The following NKAIN2 variants were observed in gnomAD, a reference collection of about 807,000 sequenced individuals.
NKAIN2 encodes the protein sodium/potassium-transporting ATPase subunit beta-1-interacting protein 2.
A neutral mutation model predicts 32.6 loss-of-function variants in NKAIN2; 14 were observed. The observed-to-expected ratio is 0.43, with a 90% CI of 0.28 to 0.67. The LOEUF is 0.67. NKAIN2 is among the 30% of genes least tolerant of loss of function. The probability of loss-of-function intolerance (pLI) is 0.17; values close to 1 mark genes in which losing one functional copy is unlikely to be tolerated. For synonymous variants in NKAIN2, 80 were observed against 87.2 expected, an observed-to-expected ratio of 0.92 and a Z score of 0.46; for missense variants, 198 against 258.3, an observed-to-expected ratio of 0.77 and a Z score of 1.60.
intron 1 of NKAIN2, among the ~76,000 whole-genome samples, chr6:124,068,548 T>C (rs111988274): frequency 0.028 from 4,287 of 152,008 alleles, 80 homozygotes; most frequent in Admixed American, 0.046. Context: ...GGTTCATTTG[T>C]ACATTTCATT....
Position 124,411,312 on chromosome 6 carries a change from G to T in NKAIN2, c.273+55965G>T, listed in dbSNP as rs565891983. 7.8e-3 allele frequency among the ~76,000 whole-genome samples: 945 copies of T among 120,412 alleles called. 9 individuals carry two copies. The highest frequency in any genetic ancestry group is 0.052 in the East Asian group (215 of 4,120). The allele number at this position is 120,412 out of a possible 152,430, so 79.0% of individuals were successfully genotyped here. A position where few individuals can be genotyped will look rare whatever the true frequency, so the allele number is the denominator to read the frequency against. ...TACAATTTGGCATGTTTTTGCAGTG[G>T]CTGGTACCGGTTGTTCCTTTCCATG... On this transcript the variant is annotated intron_variant, in intron 3 of 6. Coordinates refer to ENST00000368417, the MANE Select transcript of NKAIN2 (RefSeq NM_001040214.3).
intron 1 of NKAIN2, among the ~76,000 whole-genome samples, chr6:124,050,178 T>C (rs953519667): frequency 2.6e-5 from 4 of 151,968 alleles, no homozygotes; most frequent in African/African-American, 9.7e-5. Context: ...GGGAACTGAA[T>C]AGTGAAATGT....
intron 1 of NKAIN2, among the ~76,000 whole-genome samples, chr6:123,906,391 G>C (rs1355156009): frequency 6.6e-6 from 1 of 151,454 alleles, no homozygotes; most frequent in African/African-American, 2.4e-5. Context: ...CCTGGGCTCA[G>C]ATAATTCTCC....
chr6:123,981,036 T>A (rs1305140023), intron 1 of NKAIN2, among the ~76,000 whole-genome samples: 1 of 151,970 alleles, frequency 6.6e-6, no homozygotes, highest in Admixed American at 6.6e-5. Context: ...TGCCCGGCTA[T>A]TTTTTGTATT....
intron 1 of NKAIN2, among the ~76,000 whole-genome samples, chr6:123,918,838 C>T (rs1452302195): frequency 6.6e-6 from 1 of 152,104 alleles, no homozygotes; most frequent in Non-Finnish European, 1.5e-5. Flanking sequence ...ATCAAGAATG[C>T]TTCCTTGAAT....
At chr6:124,262,102 G>A (rs928143732) in intron 1 of NKAIN2, among the ~76,000 whole-genome samples, 2 of 152,094 alleles carry the variant, frequency 1.3e-5, no homozygotes, top group Non-Finnish European at 2.9e-5. Flanking sequence ...CCTGACAGAC[G>A]TTAGTTGTTC....
At chr6:124,822,635 T>C (rs369310677) in intron 6 of NKAIN2, among the ~76,000 whole-genome samples, 146 of 152,332 alleles carry the variant, frequency 9.6e-4, no homozygotes, top group African/African-American at 3.5e-3. Flanking sequence ...TTTCAGATGA[T>C]GTATAACTAA....
At chr6:124,143,548 T>G (rs534513371) in intron 1 of NKAIN2, among the ~76,000 whole-genome samples, 1 of 151,726 alleles carries the variant, frequency 6.6e-6, no homozygotes, top group Non-Finnish European at 1.5e-5. Context: ...AAAAATTTCT[T>G]ATCCTGATAA....
rs536600449 is a variant in NKAIN2, at chr6:124,790,060, GCTGCT to G, written c.475-1278_475-1274del. ...ACTCTGCCTCCCCAGTGTGGGCACT[GCTGCT>G]TCCTGTATTGTCCAGGAATGACCAC... is the stretch of plus-strand genomic sequence containing the variant. On this transcript the variant is annotated intron_variant, in intron 4 of 6. Coordinates refer to ENST00000368417, the MANE Select transcript of NKAIN2 (RefSeq NM_001040214.3). Among the ~76,000 whole-genome samples the G allele has an allele frequency of 7.6e-4, 116 of 152,092 alleles. 1 individual carries two copies. Among genetic ancestry groups the G allele is most frequent in the African/African-American group, 2.5e-3 (104 of 41,506 alleles).
At chr6:124,178,639 T>C (rs1336018982) in intron 1 of NKAIN2, among the ~76,000 whole-genome samples, 1 of 152,192 alleles carries the variant, frequency 6.6e-6, no homozygotes, top group East Asian at 1.9e-4. Flanking sequence ...CTAATTAAGA[T>C]ATGCAGATAA....
intron 1 of NKAIN2, among the ~76,000 whole-genome samples, chr6:123,932,434 T>TTC (rs1481221049): frequency 1.1e-5 from 1 of 91,790 alleles, no homozygotes. Flanking sequence ...TTTTTTTTTT[T>TTC]GAGAAAGAGT....
chr6:124,101,173 T>C (rs1334188022), intron 1 of NKAIN2, among the ~76,000 whole-genome samples: 1 of 152,180 alleles, frequency 6.6e-6, no homozygotes, highest in Non-Finnish European at 1.5e-5. Context: ...CAGTTTAAAG[T>C]TGGCATTTTA....
intron 1 of NKAIN2, among the ~76,000 whole-genome samples, chr6:123,836,568 C>A (rs764712804): frequency 6.6e-6 from 1 of 151,856 alleles, no homozygotes. Flanking sequence ...AGATGAGGAA[C>A]CGTCACAATT....
At chr6:124,776,235 T>G (rs1451537638) in intron 4 of NKAIN2, among the ~76,000 whole-genome samples, 2 of 152,210 alleles carry the variant, frequency 1.3e-5, no homozygotes, top group Non-Finnish European at 2.9e-5. Context: ...ACTATGGACT[T>G]TATATTTCTA....
At chr6:124,005,750 G>T (rs559406019) in intron 1 of NKAIN2, among the ~76,000 whole-genome samples, 1 of 152,170 alleles carries the variant, frequency 6.6e-6, no homozygotes, top group Non-Finnish European at 1.5e-5. Flanking sequence ...AGTTTTGACA[G>T]TCTGGTATGG....
chr6:124,107,817 G>A (rs116821612), intron 1 of NKAIN2, among the ~76,000 whole-genome samples: 47 of 152,092 alleles, frequency 3.1e-4, no homozygotes, highest in Non-Finnish European at 4.9e-4. Context: ...TTCACCCTGC[G>A]TAAGGTGTTC....
chr6:124,463,873 A>C (rs528713488), intron 3 of NKAIN2, among the ~76,000 whole-genome samples: 1 of 152,240 alleles, frequency 6.6e-6, no homozygotes, highest in African/African-American at 2.4e-5. Context: ...GATTGGTTTC[A>C]ATCCAAAATA....
At chr6:124,318,570 T>A (rs918717672) in intron 2 of NKAIN2, among the ~76,000 whole-genome samples, 1 of 151,990 alleles carries the variant, frequency 6.6e-6, no homozygotes, top group Non-Finnish European at 1.5e-5. Flanking sequence ...TTAAAAAAAA[T>A]TTTCCCTGTA....
intron 1 of NKAIN2, among the ~76,000 whole-genome samples, chr6:124,094,919 A>C (rs1437197079): frequency 6.6e-6 from 1 of 152,180 alleles, no homozygotes; most frequent in Non-Finnish European, 1.5e-5. Context: ...ATATATAGCT[A>C]GAATCATTGA....
Sources: gnomAD v4.1 joint callset for allele counts (sites outside exome capture counted in the v4.1 genomes callset) on GRCh38, gnomAD v4.1.1 for gene constraint, MANE v1.5 for transcripts, NCBI Gene and HGNC (gene_info 2026-07-23, HGNC 2026-07-21) for gene names.